SETBP1: variants seen among roughly 807,000 people sequenced by gnomAD.
The protein encoded by SETBP1 is SET-binding protein.
Under a neutral mutation model 101.0 loss-of-function variants are expected in SETBP1, and 9 were observed. The ratio of observed to expected loss-of-function variants is 0.09; its 90% CI spans 0.05 to 0.16. The LOEUF is 0.16. SETBP1 is among the 10% of genes least tolerant of loss of function. SETBP1 has a pLI of 1.00. For synonymous variants in SETBP1, 818 were observed against 788.5 expected, an observed-to-expected ratio of 1.04 and a Z score of -0.63; for missense variants, 1,858 against 2,033.8, an observed-to-expected ratio of 0.91 and a Z score of 1.66.
chr18:44,852,360 T>A (rs1012767856), intron 2 of SETBP1, among the ~76,000 whole-genome samples: 1 of 152,220 alleles, frequency 6.6e-6, no homozygotes. Flanking sequence ...CTGGCAGTTG[T>A]GCCCCCACGT....
At chr18:44,815,791 A>G (rs913646258) in intron 2 of SETBP1, among the ~76,000 whole-genome samples, 1 of 152,216 alleles carries the variant, frequency 6.6e-6, no homozygotes, top group Non-Finnish European at 1.5e-5. Context: ...ACTGAGACTC[A>G]GACAGGCAAA....
chr18:44,822,965 G>A (rs542252438), intron 2 of SETBP1, among the ~76,000 whole-genome samples: 2 of 152,282 alleles, frequency 1.3e-5, no homozygotes, highest in African/African-American at 4.8e-5. Context: ...CCAACATGGG[G>A]AAACCCCATC....
chr18:44,823,712 A>C (rs774076145), intron 2 of SETBP1, among the ~76,000 whole-genome samples: 19 of 152,216 alleles, frequency 1.2e-4, no homozygotes, highest in Non-Finnish European at 2.2e-4. Flanking sequence ...TTTATTAGCT[A>C]AAGTGGCAAA....
chr18:44,785,439 AG>A (rs1234506522), intron 2 of SETBP1, among the ~76,000 whole-genome samples: 1 of 152,234 alleles, frequency 6.6e-6, no homozygotes, highest in Non-Finnish European at 1.5e-5. Context: ...GATGTCACCT[AG>A]ATTACCTCTT....
chr18:44,869,660 C>A, intron 3 of SETBP1: 1 of 323,568 alleles, frequency 3.1e-6, no homozygotes, highest in Non-Finnish European at 6.0e-6. Flanking sequence ...ACTCGCATGT[C>A]TGTAATCTTT....
intron 4 of SETBP1, among the ~76,000 whole-genome samples, chr18:44,993,899 G>C (rs772299334): frequency 2.0e-5 from 3 of 152,066 alleles, no homozygotes; most frequent in Non-Finnish European, 4.4e-5. Flanking sequence ...ATTATTAACT[G>C]TGATAGTTGA....
At chr18:44,964,829 C>T (rs1337107517) in intron 4 of SETBP1, among the ~76,000 whole-genome samples, 1 of 152,178 alleles carries the variant, frequency 6.6e-6, no homozygotes, top group Non-Finnish European at 1.5e-5. Flanking sequence ...CCTCTTTTCT[C>T]CACTACCACT....
At chr18:44,964,574 A>G (rs2071680769) in intron 4 of SETBP1, among the ~76,000 whole-genome samples, 1 of 147,320 alleles carries the variant, frequency 6.8e-6, no homozygotes, top group South Asian at 2.2e-4. Context: ...AATTATTTGA[A>G]AACGTTTTTA....
chr18:44,801,744 C>T (rs1430666076), intron 2 of SETBP1, among the ~76,000 whole-genome samples: 3 of 150,072 alleles, frequency 2.0e-5, no homozygotes, highest in South Asian at 2.1e-4. Flanking sequence ...ATGAGGTGTG[C>T]GAAAGGGAGT....
intron 2 of SETBP1, among the ~76,000 whole-genome samples, chr18:44,745,730 A>G (rs536685994): frequency 1.3e-5 from 2 of 152,298 alleles, no homozygotes; most frequent in Admixed American, 6.5e-5. Context: ...GGAGTCAATA[A>G]GGAGACTAGG....
intron 2 of SETBP1, among the ~76,000 whole-genome samples, chr18:44,831,393 C>T (rs1192350208): frequency 6.6e-6 from 1 of 152,178 alleles, no homozygotes; most frequent in Admixed American, 6.5e-5. Flanking sequence ...GAGGTTTATT[C>T]CTAACTCTTG....
At chr18:44,832,387 A>G (rs1033936275) in intron 2 of SETBP1, among the ~76,000 whole-genome samples, 1 of 152,200 alleles carries the variant, frequency 6.6e-6, no homozygotes, top group African/African-American at 2.4e-5. Context: ...GGGAATCTGC[A>G]TGTTCACTAT....
chr18:44,985,365 T>A (rs1267001670), intron 4 of SETBP1, among the ~76,000 whole-genome samples: 1 of 152,186 alleles, frequency 6.6e-6, no homozygotes, highest in Non-Finnish European at 1.5e-5. Flanking sequence ...AGAGTCTAGT[T>A]TTGTTCAGAT....
chr18:44,749,424 G>A (rs929060744), intron 2 of SETBP1, among the ~76,000 whole-genome samples: 2 of 152,168 alleles, frequency 1.3e-5, no homozygotes, highest in Non-Finnish European at 2.9e-5. Context: ...ACACACTCAA[G>A]TCTGGCTGCT....
At chr18:44,729,990 C>T (rs1420115350) in intron 2 of SETBP1, among the ~76,000 whole-genome samples, 1 of 152,148 alleles carries the variant, frequency 6.6e-6, no homozygotes, top group Non-Finnish European at 1.5e-5. Context: ...GTAGACTAAT[C>T]TTTGCAGAAG....
At chr18:44,834,567 G>A (rs1323040104) in intron 2 of SETBP1, among the ~76,000 whole-genome samples, 1 of 152,172 alleles carries the variant, frequency 6.6e-6, no homozygotes, top group Non-Finnish European at 1.5e-5. Flanking sequence ...AAGAGGCACA[G>A]AGCAGGAGAA....
intron 4 of SETBP1, among the ~76,000 whole-genome samples, chr18:45,014,834 T>C (rs2072909545): frequency 6.6e-6 from 1 of 152,156 alleles, no homozygotes; most frequent in Non-Finnish European, 1.5e-5. Flanking sequence ...TAAATGATAT[T>C]TAAATAAATA....
intron 5 of SETBP1, among the ~76,000 whole-genome samples, chr18:45,061,080 G>T (rs181399523): frequency 7.9e-5 from 12 of 152,298 alleles, no homozygotes; most frequent in Admixed American, 6.5e-4. Flanking sequence ...GCTTTGCTTG[G>T]AATACTGTCA....
At chr18:44,875,371 A>G (rs1450798998) in intron 3 of SETBP1, among the ~76,000 whole-genome samples, 2 of 151,940 alleles carry the variant, frequency 1.3e-5, no homozygotes, top group African/African-American at 4.8e-5. Flanking sequence ...TACAAAAACT[A>G]GCTGGGCGTG....
Sources: allele counts gnomAD v4.1 joint callset (sites outside exome capture counted in the v4.1 genomes callset), GRCh38; gene constraint gnomAD v4.1.1; transcripts MANE v1.5; gene names NCBI Gene and HGNC (gene_info 2026-07-23, HGNC 2026-07-21).